The following IPCEF1 variants were observed in gnomAD, a reference collection of about 807,000 sequenced individuals.
IPCEF1 encodes the protein interactor protein for cytohesin exchange factors 1.
A neutral mutation model predicts 50.9 loss-of-function variants in IPCEF1; 31 were observed. That is an observed-to-expected ratio of 0.61 (90% CI 0.46 to 0.82). The LOEUF is 0.82. Among genes scored for constraint, IPCEF1 ranks in the 40% least tolerant of loss-of-function variants. The pLI, the probability that IPCEF1 is intolerant of heterozygous loss-of-function variation, is 0.00. For missense variants in IPCEF1, 458 were observed against 514.0 expected, an observed-to-expected ratio of 0.89 and a Z score of 1.05; for synonymous variants, 181 against 192.0, an observed-to-expected ratio of 0.94 and a Z score of 0.47.
chr6:154,339,785 G>A (rs1783868409), intron 1 of IPCEF1, among the ~76,000 whole-genome samples: 1 of 151,922 alleles, frequency 6.6e-6, no homozygotes, highest in African/African-American at 2.4e-5. Context: ...TTGTAGAGAT[G>A]GGGTCTCACT....
chr6:154,250,504 G>A (rs1433774255), intron 3 of IPCEF1, among the ~76,000 whole-genome samples: 1 of 152,176 alleles, frequency 6.6e-6, no homozygotes, highest in Non-Finnish European at 1.5e-5. Context: ...CATTGAAGAA[G>A]TGTATTTTTC....
intron 10 of IPCEF1, among the ~76,000 whole-genome samples, chr6:154,172,264 C>A (rs1799935160): frequency 6.6e-6 from 1 of 152,296 alleles, no homozygotes; most frequent in Non-Finnish European, 1.5e-5. Flanking sequence ...ACTGAAGTAC[C>A]TGGTTCATCT....
chr6:154,284,786 G>A (rs1044898762), intron 2 of IPCEF1, among the ~76,000 whole-genome samples: 4 of 152,188 alleles, frequency 2.6e-5, no homozygotes, highest in Non-Finnish European at 5.9e-5. Context: ...TGGACCACAA[G>A]GTCAGGAGAT....
intron 1 of IPCEF1, among the ~76,000 whole-genome samples, chr6:154,332,840 A>C (rs1783703969): frequency 6.6e-6 from 1 of 152,206 alleles, no homozygotes; most frequent in South Asian, 2.1e-4. Flanking sequence ...GGTCAGAGAA[A>C]GCTGTCAGTA....
At chr6:154,252,909 C>T (rs146671563) in intron 3 of IPCEF1, among the ~76,000 whole-genome samples, 133 of 152,254 alleles carry the variant, frequency 8.7e-4, no homozygotes, top group African/African-American at 3.2e-3. Flanking sequence ...TTGCCACAGA[C>T]CTCCCTCAAA....
chr6:154,317,857 A>G (rs1425608725), intron 1 of IPCEF1, among the ~76,000 whole-genome samples: 3 of 152,162 alleles, frequency 2.0e-5, no homozygotes, highest in African/African-American at 7.2e-5. Context: ...GAAGAGAAAG[A>G]AAAACATGTA....
intron 3 of IPCEF1, among the ~76,000 whole-genome samples, chr6:154,255,501 A>T (rs866331000): frequency 1.3e-5 from 2 of 152,296 alleles, no homozygotes; most frequent in Middle Eastern, 3.4e-3. Context: ...CAATGTTTCT[A>T]GTTATGGACT....
At chr6:154,209,308 C>T (rs528011784) in intron 9 of IPCEF1, among the ~76,000 whole-genome samples, 5 of 152,228 alleles carry the variant, frequency 3.3e-5, no homozygotes, top group South Asian at 2.1e-4. Flanking sequence ...TCTAAGTCAT[C>T]GCTAGCCTAT....
At chr6:154,184,487 T>C (rs966814328) in intron 10 of IPCEF1, among the ~76,000 whole-genome samples, 5 of 152,104 alleles carry the variant, frequency 3.3e-5, no homozygotes, top group African/African-American at 1.2e-4. Context: ...TAATTCTATT[T>C]ACATTTTTTT....
intron 7 of IPCEF1, among the ~76,000 whole-genome samples, chr6:154,220,374 T>A (rs1165768434): frequency 6.6e-6 from 1 of 152,232 alleles, no homozygotes; most frequent in Non-Finnish European, 1.5e-5. Context: ...ACAGCCATTG[T>A]TGACCAGGTG....
chr6:154,200,997 T>G (rs1423118651), intron 9 of IPCEF1, among the ~76,000 whole-genome samples: 1 of 152,164 alleles, frequency 6.6e-6, no homozygotes, highest in Non-Finnish European at 1.5e-5. Flanking sequence ...GCTGTTCTCA[T>G]GATAGTGAGT....
intron 3 of IPCEF1, among the ~76,000 whole-genome samples, chr6:154,248,842 C>T (rs1781266177): frequency 6.6e-6 from 1 of 152,006 alleles, no homozygotes; most frequent in Non-Finnish European, 1.5e-5. Flanking sequence ...TAAACAACAT[C>T]CCTTTATATG....
At chr6:154,288,907 T>A (rs1030306056) in intron 2 of IPCEF1, among the ~76,000 whole-genome samples, 1 of 151,840 alleles carries the variant, frequency 6.6e-6, no homozygotes, top group Admixed American at 6.6e-5. Context: ...TTACAAAAAA[T>A]TTTAAAAATT....
intron 3 of IPCEF1, among the ~76,000 whole-genome samples, chr6:154,252,404 C>T (rs1432171155): frequency 5.3e-5 from 8 of 152,254 alleles, no homozygotes; most frequent in East Asian, 1.9e-4. Context: ...TGGCCAGGCA[C>T]GGTGGCTCTC....
intron 3 of IPCEF1, among the ~76,000 whole-genome samples, chr6:154,265,704 G>A (rs1188282718): frequency 6.6e-6 from 1 of 152,122 alleles, no homozygotes; most frequent in Non-Finnish European, 1.5e-5. Flanking sequence ...ATGGTATGCA[G>A]CTTAAACTTT....
At chr6:154,198,763 C>T (rs1345789824) in intron 10 of IPCEF1, among the ~76,000 whole-genome samples, 2 of 152,060 alleles carry the variant, frequency 1.3e-5, no homozygotes, top group Admixed American at 1.3e-4. Flanking sequence ...AAGAAACATT[C>T]CCTGATTAGG....
intron 1 of IPCEF1, among the ~76,000 whole-genome samples, chr6:154,314,986 T>G (rs1434367452): frequency 6.6e-6 from 1 of 151,924 alleles, no homozygotes; most frequent in Non-Finnish European, 1.5e-5. Flanking sequence ...GTTCAAGCGA[T>G]TCTCCTGCCT....
chr6:154,229,095 G>A (rs1271497271), intron 5 of IPCEF1, among the ~76,000 whole-genome samples: 2 of 152,126 alleles, frequency 1.3e-5, no homozygotes, highest in Admixed American at 6.5e-5. Context: ...CCAGCCCCAG[G>A]GGCGGCCCTC....
At chr6:154,170,586 A>G (rs958692541) in intron 10 of IPCEF1, among the ~76,000 whole-genome samples, 8 of 152,354 alleles carry the variant, frequency 5.3e-5, no homozygotes, top group African/African-American at 7.2e-5. Context: ...ACCGTCTCAC[A>G]AAAGGGAAGA....
Sources: allele counts gnomAD v4.1 joint callset (sites outside exome capture counted in the v4.1 genomes callset), GRCh38; gene constraint gnomAD v4.1.1; transcripts MANE v1.5; gene names NCBI Gene and HGNC (gene_info 2026-07-23, HGNC 2026-07-21).